PTPRQ: variants seen among roughly 807,000 people sequenced by gnomAD.
PTPRQ encodes phosphatidylinositol phosphatase PTPRQ.
A neutral mutation model predicts 246.0 loss-of-function variants in PTPRQ; 199 were observed. That is an observed-to-expected ratio of 0.81 (90% CI 0.72 to 0.91). PTPRQ has a LOEUF of 0.91. Ranked by LOEUF, PTPRQ falls within the 40% of genes least tolerant of loss-of-function variation. The pLI is 0.00. For missense variants in PTPRQ, 2,624 were observed against 2,528.4 expected, an observed-to-expected ratio of 1.04 and a Z score of -0.81; for synonymous variants, 869 against 853.2, an observed-to-expected ratio of 1.02 and a Z score of -0.32.
At chr12:80,621,483 G>T (rs2121135785) in intron 32 of PTPRQ, among the ~76,000 whole-genome samples, 1 of 151,870 alleles carries the variant, frequency 6.6e-6, no homozygotes, top group Non-Finnish European at 1.5e-5. Flanking sequence ...TTGTCTCTGA[G>T]GATCTTAGAT....
chr12:80,619,106 C>T (rs1409484236), intron 30 of PTPRQ, among the ~76,000 whole-genome samples: 1 of 151,310 alleles, frequency 6.6e-6, no homozygotes, highest in Non-Finnish European at 1.5e-5. Flanking sequence ...TGAGTGAGAG[C>T]ATGTATAAAT....
chr12:80,615,258 A>G (rs947239534), intron 29 of PTPRQ, among the ~76,000 whole-genome samples: 2 of 150,908 alleles, frequency 1.3e-5, no homozygotes, highest in African/African-American at 4.8e-5. Flanking sequence ...GCCACATTTT[A>G]TGGTCTTGGT....
At chr12:80,671,492 C>A (rs1034610053) in intron 42 of PTPRQ, among the ~76,000 whole-genome samples, 3 of 151,976 alleles carry the variant, frequency 2.0e-5, no homozygotes, top group Admixed American at 2.0e-4. Flanking sequence ...TCCTTTTTAG[C>A]CTCAAAAAGA....
chr12:80,471,872 A>G (rs1893649069), intron 7 of PTPRQ, among the ~76,000 whole-genome samples: 1 of 152,164 alleles, frequency 6.6e-6, no homozygotes, highest in African/African-American at 2.4e-5. Flanking sequence ...TGATTTAATA[A>G]AAGTCATTTT....
At chr12:80,531,896 T>G (rs1190457552) in intron 17 of PTPRQ, among the ~76,000 whole-genome samples, 1 of 152,158 alleles carries the variant, frequency 6.6e-6, no homozygotes, top group Admixed American at 6.5e-5. Flanking sequence ...CAAACTGAAG[T>G]GAACTACTAT....
intron 26 of PTPRQ, among the ~76,000 whole-genome samples, chr12:80,600,654 G>A (rs1898112058): frequency 2.0e-5 from 3 of 151,776 alleles, no homozygotes; most frequent in Admixed American, 6.6e-5. Flanking sequence ...ACAGCATCGA[G>A]TAGTATATGT....
intron 25 of PTPRQ, among the ~76,000 whole-genome samples, chr12:80,572,550 T>C (rs185052887): frequency 1.6e-3 from 251 of 152,262 alleles, no homozygotes; most frequent in African/African-American, 5.8e-3. Flanking sequence ...CAGTACAGTG[T>C]TAAACAGAGG....
intron 38 of PTPRQ, among the ~76,000 whole-genome samples, chr12:80,657,510 T>C (rs1253969278): frequency 6.6e-6 from 1 of 151,734 alleles, no homozygotes; most frequent in Admixed American, 6.6e-5. Context: ...CCTATATATA[T>C]GCAATATGCA....
rs1035033866 is a variant in PTPRQ, at chr12:80,462,035, C to T, written c.910+1133C>T. On this transcript the variant is annotated intron_variant, in intron 6 of 44. Coordinates refer to ENST00000644991, the MANE Select transcript of PTPRQ (RefSeq NM_001145026.2). ...ATGCAGGTCAGTGCGTGCAGTGCGC[C>T]GTGAGAGAGCCGAAGCAGGGCGAGG... 13 of 700,978 alleles carry T rather than the reference C, an allele frequency of 1.9e-5. No homozygotes were observed. The East Asian group carries it at 2.7e-4, about 14-fold the overall frequency. 43.4% of individuals were successfully genotyped at this position (700,978 alleles called of 1,614,324 possible).
In PTPRQ at chr12:80,620,831, C is replaced by T. The variant is rs575220535; in HGVS notation, c.5612+455C>T. 2.6e-5 allele frequency among the ~76,000 whole-genome samples: 4 copies of T among 151,876 alleles called. No homozygotes were observed. In the South Asian group the frequency reaches 8.3e-4, roughly 32 times the overall value. On this transcript the variant is annotated intron_variant, in intron 32 of 44. Coordinates refer to ENST00000644991, the MANE Select transcript of PTPRQ (RefSeq NM_001145026.2). ...ATAACAATAACTCTCTGCTTTTTAT[C>T]TCATGAATGAGTGATAGAAATATTT...
At chr12:80,511,187 A>G (rs1286943228) in intron 17 of PTPRQ, among the ~76,000 whole-genome samples, 1 of 152,128 alleles carries the variant, frequency 6.6e-6, no homozygotes. Context: ...GCATTGAGGG[A>G]GATGCCATGA....
rs563159249 is a variant in PTPRQ at position 80,579,872 on chromosome 12, A to C, written c.4286-8257A>C. ...TTAAACTTGGGAAGATTGGGTTGAT[A>C]ATTTTGTATGTTTTATAAATATAAT... On this transcript the variant is annotated intron_variant, in intron 25 of 44. Transcript: ENST00000644991. 2.6e-5 allele frequency among the ~76,000 whole-genome samples: 4 copies of C among 152,154 alleles called. No homozygotes were observed. In the South Asian group the frequency reaches 8.3e-4, roughly 31 times the overall value.
chr12:80,490,535 A>G (rs1399998542), intron 9 of PTPRQ, among the ~76,000 whole-genome samples: 1 of 151,952 alleles, frequency 6.6e-6, no homozygotes, highest in East Asian at 1.9e-4. Context: ...CCCTAACTCA[A>G]TGGTGCTCAA....
intron 15 of PTPRQ, 149 bp downstream of exon 15, chr12:80,506,355 G>A: frequency 5.3e-6 from 5 of 937,148 alleles, no homozygotes; most frequent in Non-Finnish European, 7.7e-6. Flanking sequence ...GTTTATTGCA[G>A]GTCACATGAA....
chr12:80,523,580 G>T (rs1895581616), intron 17 of PTPRQ, among the ~76,000 whole-genome samples: 2 of 152,134 alleles, frequency 1.3e-5, no homozygotes, highest in Admixed American at 6.5e-5. Context: ...GTTCTCATTG[G>T]TTTCAAAGAA....
chr12:80,549,678 C>A lies in PTPRQ; in HGVS notation c.4229C>A (p.Thr1410Asn). ...TSYVFKVRAS[T>N]SAGEGDESTC... ...TATGTCTTTAAAGTAAGAGCTTCAA[C>A]CTCAGCTGGTGAAGGTGATGAAAGC... The change falls in exon 25 of 45, where the codon ACC becomes AAC. Residue 1410 changes from threonine (T) to asparagine (N), a missense_variant. By Grantham distance (65) the Thr-to-Asn change is moderately conservative. Transcript: ENST00000644991. 3 of 1,551,080 alleles carry A rather than the reference C, an allele frequency of 1.9e-6. No homozygotes were observed. Among genetic ancestry groups the A allele is most frequent in the Non-Finnish European group, 1.7e-6 (2 of 1,146,516 alleles).
At chr12:80,641,933 CTAT>C (rs1277591202) in intron 35 of PTPRQ, among the ~76,000 whole-genome samples, 1 of 151,514 alleles carries the variant, frequency 6.6e-6, no homozygotes, top group African/African-American at 2.4e-5. Flanking sequence ...CCCTCTCTCT[CTAT>C]TTTCTTTCTC....
chr12:80,482,532 A>C (rs1249333955), intron 8 of PTPRQ, among the ~76,000 whole-genome samples: 13 of 150,904 alleles, frequency 8.6e-5, no homozygotes, highest in South Asian at 2.1e-4. Flanking sequence ...AATGGGATCT[A>C]ATTAAACTAA....
intron 19 of PTPRQ, among the ~76,000 whole-genome samples, chr12:80,538,444 T>C (rs1205014438): frequency 2.0e-5 from 3 of 152,170 alleles, no homozygotes; most frequent in African/African-American, 7.2e-5. Context: ...AAAATTTACA[T>C]CAAAAAGCTA....
Sources: gnomAD v4.1 joint callset for allele counts (sites outside exome capture counted in the v4.1 genomes callset) on GRCh38, gnomAD v4.1.1 for gene constraint, MANE v1.5 for transcripts, NCBI Gene and HGNC (gene_info 2026-07-23, HGNC 2026-07-21) for gene names.